GAB2: variants seen among roughly 807,000 people sequenced by gnomAD.
The protein encoded by GAB2 is GRB2 associated binding protein 2, also known as GRB2-associated-binding protein 2.
Under a neutral mutation model 65.5 loss-of-function variants are expected in GAB2, and 26 were observed. That is an observed-to-expected ratio of 0.40 (90% CI 0.29 to 0.55). The LOEUF (loss-of-function observed/expected upper bound fraction) is 0.55, where lower values mean the gene tolerates loss of function less well. Ranked by LOEUF, GAB2 falls within the 20% of genes least tolerant of loss-of-function variation. The pLI is 0.53. For missense variants in GAB2, 884 were observed against 875.8 expected (o/e 1.01, Z -0.12); for synonymous variants, 321 against 329.6 (o/e 0.97, Z 0.28).
rs147564061 is a variant in GAB2 at position 78,297,193 on chromosome 11, T to C, written c.76-16292A>G. Among the ~76,000 whole-genome samples the C allele has an allele frequency of 4.7e-4, 72 of 152,246 alleles. 1 individual carries two copies. The East Asian group carries it at 0.013, about 28-fold the overall frequency. On this transcript the variant is annotated intron_variant, in intron 1 of 9. Coordinates refer to ENST00000361507, the MANE Select transcript of GAB2 (RefSeq NM_080491.3). ...GAAAAAGTTTGGTGTACTCAAATGA[T>C]AAAGGTAAGTTTGGTGACGTTTATG...
rs562460148 is a variant in GAB2 at position 78,409,711 on chromosome 11, C to T, written c.75+7935G>A. Among the ~76,000 whole-genome samples, 4 of 152,152 alleles carry T rather than the reference C, an allele frequency of 2.6e-5. No homozygotes were observed. In the South Asian group the frequency reaches 8.3e-4, roughly 32 times the overall value. On this transcript the variant is annotated intron_variant, in intron 1 of 9. Coordinates refer to ENST00000361507, the MANE Select transcript of GAB2 (RefSeq NM_080491.3). ...TGTCTCTCAACAATCGACAGAAGAA[C>T]TAGATAGAAAAATCAGCAAGGATAT...
intron 1 of GAB2, among the ~76,000 whole-genome samples, chr11:78,405,292 G>A (rs1857029019): frequency 1.3e-5 from 2 of 152,028 alleles, no homozygotes; most frequent in Non-Finnish European, 2.9e-5. Flanking sequence ...TAGAGATGGG[G>A]TTTCGCTGTG....
chr11:78,281,094 C>T (rs1204686979), intron 1 of GAB2, among the ~76,000 whole-genome samples, 193 bp from the exon 2 acceptor site: 1 of 152,140 alleles, frequency 6.6e-6, no homozygotes, highest in Non-Finnish European at 1.5e-5. Flanking sequence ...GCTGGGACTA[C>T]AGACGCACAT....
chr11:78,265,010 C>G (rs1168768386), intron 2 of GAB2, among the ~76,000 whole-genome samples: 1 of 152,024 alleles, frequency 6.6e-6, no homozygotes, highest in Non-Finnish European at 1.5e-5. Context: ...ATGCTATATG[C>G]TTTAAGTGGA....
At chr11:78,270,333 TAAA>T (rs11358173) in intron 2 of GAB2, among the ~76,000 whole-genome samples, 2 of 140,156 alleles carry the variant, frequency 1.4e-5, no homozygotes, top group Admixed American at 7.1e-5. Flanking sequence ...GACTCCGTCT[TAAA>T]AAAAAAAAAA....
intron 1 of GAB2, among the ~76,000 whole-genome samples, chr11:78,290,948 A>AT (rs1334461014): frequency 1.3e-5 from 2 of 152,128 alleles, no homozygotes; most frequent in Non-Finnish European, 2.9e-5. Context: ...GTTAGCAAAT[A>AT]TTTTGGGTTT....
intron 1 of GAB2, among the ~76,000 whole-genome samples, chr11:78,360,606 A>G (rs568749031): frequency 3.9e-4 from 59 of 152,126 alleles, no homozygotes; most frequent in African/African-American, 1.4e-3. Flanking sequence ...GCCTGTAATC[A>G]CAGCACTTTG....
chr11:78,226,404 T>C, intron 4 of GAB2, 61 bp downstream of exon 4: 1 of 1,322,408 alleles, frequency 7.6e-7, no homozygotes, highest in Non-Finnish European at 1.1e-6. Flanking sequence ...ACCATCAAAC[T>C]ATTGAGAACC....
At chr11:78,234,816 C>G (rs2134490696) in intron 3 of GAB2, among the ~76,000 whole-genome samples, 1 of 151,950 alleles carries the variant, frequency 6.6e-6, no homozygotes, top group Non-Finnish European at 1.5e-5. Flanking sequence ...TCTTTGGTTG[C>G]TTGGCCAACA....
At chr11:78,363,445 A>C (rs1856459353) in intron 1 of GAB2, among the ~76,000 whole-genome samples, 1 of 152,180 alleles carries the variant, frequency 6.6e-6, no homozygotes, top group Admixed American at 6.5e-5. Flanking sequence ...CTCCTCTTAA[A>C]AATATGTATT....
intron 3 of GAB2, among the ~76,000 whole-genome samples, chr11:78,237,049 T>C (rs1017908): frequency 0.16 from 23,957 of 152,168 alleles, 2,367 homozygotes; most frequent in East Asian, 0.4. Flanking sequence ...AGGGTTATGC[T>C]GGTCTCATAA....
intron 1 of GAB2, among the ~76,000 whole-genome samples, chr11:78,407,424 A>G (rs972959636): frequency 3.3e-5 from 5 of 152,068 alleles, no homozygotes; most frequent in Non-Finnish European, 7.4e-5. Context: ...TGAGGTCAGG[A>G]GTTCAAGACC....
intron 1 of GAB2, among the ~76,000 whole-genome samples, chr11:78,301,358 C>T (rs149902211): frequency 0.013 from 1,798 of 139,376 alleles, 46 homozygotes; most frequent in African/African-American, 0.049. Context: ...GAGACAGAGT[C>T]TTGCACTGTC....
At chr11:78,413,523 C>A (rs908892948) in intron 1 of GAB2, among the ~76,000 whole-genome samples, 11 of 152,074 alleles carry the variant, frequency 7.2e-5, no homozygotes, top group African/African-American at 2.4e-4. Flanking sequence ...TCGCTGGTGC[C>A]TTTGTCAGAA....
intron 1 of GAB2, among the ~76,000 whole-genome samples, chr11:78,377,708 A>G (rs10899488): frequency 0.16 from 24,713 of 152,130 alleles, 2,655 homozygotes; most frequent in East Asian, 0.41. Context: ...TATCTATCGC[A>G]CAGTATTGTA....
chr11:78,238,346 A>T (rs908764591), intron 3 of GAB2, among the ~76,000 whole-genome samples: 4 of 152,084 alleles, frequency 2.6e-5, no homozygotes, highest in Non-Finnish European at 4.4e-5. Context: ...TCTACAAAAA[A>T]TTAATCAAGT....
chr11:78,216,424 TGGA>T lies in GAB2; in HGVS notation c.*2845_*2847del, dbSNP rs1425293585. ...TTTTCAACTGAGTTGACTCCTTTGTTGGAGGAGGTAGTGGGTGGAGGGTGGGGA... is the reference window on the plus strand; with the variant it reads ...TTTTCAACTGAGTTGACTCCTTTGTTGGAGGTAGTGGGTGGAGGGTGGGGA... On this transcript the variant is annotated 3_prime_UTR_variant, in exon 10 of 10. Transcript: ENST00000361507. The T allele has an allele frequency of 6.6e-6, 1 of 152,122 alleles. No individual in the cohort carries two copies. The highest frequency in any genetic ancestry group is 2.4e-5 in the African/African-American group (1 of 41,402). The allele number at this position is 152,122 out of a possible 1,614,324, so 9.4% of individuals were successfully genotyped here. A position where few individuals can be genotyped will look rare whatever the true frequency, so the allele number is the denominator to read the frequency against.
At chr11:78,390,104 AAAGCTCACC>A (rs1336661749) in intron 1 of GAB2, among the ~76,000 whole-genome samples, 1 of 152,238 alleles carries the variant, frequency 6.6e-6, no homozygotes, top group Non-Finnish European at 1.5e-5. Context: ...TCACTGGCTC[AAAGCTCACC>A]AATCACAAAT....
chr11:78,371,738 T>C (rs1856573616), intron 1 of GAB2, among the ~76,000 whole-genome samples: 1 of 152,198 alleles, frequency 6.6e-6, no homozygotes, highest in Non-Finnish European at 1.5e-5. Flanking sequence ...GGGAGACAGC[T>C]TTTCATAAGA....
Sources: allele counts gnomAD v4.1 joint callset (sites outside exome capture counted in the v4.1 genomes callset), GRCh38; gene constraint gnomAD v4.1.1; transcripts MANE v1.5; gene names NCBI Gene and HGNC (gene_info 2026-07-23, HGNC 2026-07-21).